Variants in ATOSA observed in about 807,000 individuals in gnomAD.
ATOSA encodes the protein atos homolog protein A.
At chr15:52,662,566 C>A in the ATOSA span, among the ~76,000 whole-genome samples, 6 of 151,870 alleles carry the variant, frequency 4.0e-5, no homozygotes, top group Admixed American at 6.6e-5. Context: ...GTCAGGAGAT[C>A]GAGACCATCC....
chr15:52,599,990 A>G, the ATOSA span: 3 of 489,148 alleles, frequency 6.1e-6, no homozygotes, highest in East Asian at 1.0e-4. Context: ...AAAATAAAAT[A>G]AAAAGGTAAT....
At chr15:52,705,366 G>T in the ATOSA span, among the ~76,000 whole-genome samples, 1 of 151,636 alleles carries the variant, frequency 6.6e-6, no homozygotes, top group Non-Finnish European at 1.5e-5. Context: ...GGAGTGGGGG[G>T]CTGGGGGAGG....
chr15:52,697,022 T>C, the ATOSA span, among the ~76,000 whole-genome samples: 4 of 152,198 alleles, frequency 2.6e-5, 1 homozygote, highest in African/African-American at 9.7e-5. Context: ...TCCTGAGGTG[T>C]CTGGCTAGCA....
chr15:52,653,578 C>A, the ATOSA span, among the ~76,000 whole-genome samples: 2 of 152,100 alleles, frequency 1.3e-5, no homozygotes, highest in Non-Finnish European at 2.9e-5. Flanking sequence ...TGGAGGTAGG[C>A]CAAGCTGTGT....
chr15:52,633,422 G>A, the ATOSA span, among the ~76,000 whole-genome samples: 2 of 152,204 alleles, frequency 1.3e-5, no homozygotes, highest in Non-Finnish European at 2.9e-5. Flanking sequence ...ATAAACAGGT[G>A]AGCCCAACAA....
the ATOSA span, among the ~76,000 whole-genome samples, chr15:52,706,873 C>A: frequency 6.6e-6 from 1 of 152,182 alleles, no homozygotes; most frequent in Non-Finnish European, 1.5e-5. Context: ...AGAAAGTAGA[C>A]TAGTGTTTCC....
chr15:52,691,486 C>A, the ATOSA span, among the ~76,000 whole-genome samples: 1 of 152,080 alleles, frequency 6.6e-6, no homozygotes, highest in East Asian at 1.9e-4. Flanking sequence ...AATTTGAAAA[C>A]TAGAATGAAT....
chr15:52,650,853 C>A, the ATOSA span, among the ~76,000 whole-genome samples: 1 of 152,148 alleles, frequency 6.6e-6, no homozygotes, highest in African/African-American at 2.4e-5. Context: ...GTAAAATGGG[C>A]AATATGCTAA....
the ATOSA span, chr15:52,651,807 T>TA: frequency 6.7e-7 from 1 of 1,488,550 alleles, no homozygotes; most frequent in Middle Eastern, 1.7e-4. Context: ...AGCCAACTGG[T>TA]AAACAGCTAC....
chr15:52,588,767 G>A, the ATOSA span, among the ~76,000 whole-genome samples: 1 of 152,192 alleles, frequency 6.6e-6, no homozygotes, highest in Admixed American at 6.5e-5. Flanking sequence ...TACTTAAAGA[G>A]CTTTAAAAAA....
the ATOSA span, among the ~76,000 whole-genome samples, chr15:52,640,702 T>C: frequency 6.6e-6 from 1 of 150,542 alleles, no homozygotes. Context: ...TTGATTTAAA[T>C]GCAATATATA....
the ATOSA span, among the ~76,000 whole-genome samples, chr15:52,590,354 A>T: frequency 6.6e-6 from 1 of 152,262 alleles, no homozygotes; most frequent in Non-Finnish European, 1.5e-5. Flanking sequence ...GTTTCTAAAC[A>T]GCTAAGTGTT....
the ATOSA span, among the ~76,000 whole-genome samples, chr15:52,622,387 C>T: frequency 6.6e-6 from 1 of 152,102 alleles, no homozygotes; most frequent in Admixed American, 6.6e-5. Context: ...AGAATTAGTG[C>T]AAGAGGTTAT....
chr15:52,627,497 A>G, the ATOSA span, among the ~76,000 whole-genome samples: 1 of 152,104 alleles, frequency 6.6e-6, no homozygotes, highest in African/African-American at 2.4e-5. Context: ...AGCAGGCATA[A>G]AAGTGTAGTG....
At chr15:52,693,940 T>A in the ATOSA span, among the ~76,000 whole-genome samples, 12 of 152,090 alleles carry the variant, frequency 7.9e-5, no homozygotes, top group Non-Finnish European at 1.6e-4. Context: ...ACTACTTAAA[T>A]TGTTCTCTCT....
the ATOSA span, among the ~76,000 whole-genome samples, chr15:52,698,263 G>A: frequency 1.3e-5 from 2 of 152,138 alleles, no homozygotes; most frequent in Admixed American, 6.5e-5. Context: ...ACAGGCATGA[G>A]CCACCACGCC....
the ATOSA span, among the ~76,000 whole-genome samples, chr15:52,602,337 C>T: frequency 6.6e-6 from 1 of 152,182 alleles, no homozygotes; most frequent in Non-Finnish European, 1.5e-5. Flanking sequence ...TCCCAGAATA[C>T]TTTAAACAGT....
At chr15:52,698,230 C>A in the ATOSA span, among the ~76,000 whole-genome samples, 1 of 151,744 alleles carries the variant, frequency 6.6e-6, no homozygotes, top group Non-Finnish European at 1.5e-5. Flanking sequence ...CTGCCCGCCT[C>A]GGCCTCCCAA....
chr15:52,693,167 C>T, the ATOSA span, among the ~76,000 whole-genome samples: 1 of 152,130 alleles, frequency 6.6e-6, no homozygotes, highest in Non-Finnish European at 1.5e-5. Context: ...TGCCTGTAAT[C>T]TCAGCATTTT....
Sources: gnomAD v4.1 joint callset for allele counts (sites outside exome capture counted in the v4.1 genomes callset) on GRCh38, gnomAD v4.1.1 for gene constraint, MANE v1.5 for transcripts, NCBI Gene and HGNC (gene_info 2026-07-23, HGNC 2026-07-21) for gene names.